Variants in HECW1 observed in about 807,000 individuals in gnomAD.
The protein encoded by HECW1 is E3 ubiquitin-protein ligase HECW1.
Under a neutral mutation model 182.3 loss-of-function variants are expected in HECW1, and 61 were observed. The ratio of observed to expected loss-of-function variants is 0.33; its 90% CI spans 0.27 to 0.41. HECW1 has a LOEUF of 0.41. Ranked by LOEUF, HECW1 falls within the 10% of genes least tolerant of loss-of-function variation. The pLI is 1.00. For synonymous variants in HECW1, 859 were observed against 832.6 expected, an observed-to-expected ratio of 1.03 and a Z score of -0.55; for missense variants, 1,739 against 2,108.9, an observed-to-expected ratio of 0.82 and a Z score of 3.44.
chr7:43,466,409 C>T, intron 14 of HECW1, 38 bp from the exon 15 acceptor site: 1 of 1,605,844 alleles, frequency 6.2e-7, no homozygotes, highest in Non-Finnish European at 8.5e-7. Flanking sequence ...ATGCCTTTTT[C>T]CCAATGCATT....
rs80260826 is a variant in HECW1 at position 43,320,196 on chromosome 7, G to C, written c.353-439G>C. On this transcript the variant is annotated intron_variant, in intron 4 of 29. Transcript: ENST00000395891. ...GCCCAGGTGGGAGGAGAGATGATTC[G>C]AAGTGGAGTCCGTGAGAACTAGACC... is the stretch of plus-strand genomic sequence containing the variant. Among the ~76,000 whole-genome samples, 1,162 of 152,296 alleles carry C rather than the reference G, an allele frequency of 7.6e-3. 11 individuals are homozygous for C. Among genetic ancestry groups the C allele is most frequent in the African/African-American group, 0.027 (1,122 of 41,562 alleles).
intron 2 of HECW1, among the ~76,000 whole-genome samples, chr7:43,145,833 TA>T (rs534176342): frequency 5.9e-5 from 9 of 151,396 alleles, no homozygotes; most frequent in Middle Eastern, 3.2e-3. Context: ...ACCTCCAGGG[TA>T]AAAAAAAATA....
chr7:43,359,731 A>G (rs1815631462), intron 5 of HECW1, among the ~76,000 whole-genome samples: 1 of 152,248 alleles, frequency 6.6e-6, no homozygotes, highest in Non-Finnish European at 1.5e-5. Flanking sequence ...ATAAAATTGT[A>G]GACATTATTT....
chr7:43,280,983 T>A (rs943635637), intron 3 of HECW1, among the ~76,000 whole-genome samples: 1 of 151,064 alleles, frequency 6.6e-6, no homozygotes, highest in Non-Finnish European at 1.5e-5. Context: ...CCCGTTTTGT[T>A]TGGGGCTGTT....
At chr7:43,457,408 A>G (rs2077438020) in intron 13 of HECW1, among the ~76,000 whole-genome samples, 1 of 152,248 alleles carries the variant, frequency 6.6e-6, no homozygotes. Flanking sequence ...ACACCTACTG[A>G]TAGCAAATGC....
At chr7:43,192,993 G>A (rs1794076269) in intron 2 of HECW1, among the ~76,000 whole-genome samples, 1 of 152,182 alleles carries the variant, frequency 6.6e-6, no homozygotes, top group Non-Finnish European at 1.5e-5. Context: ...GCTATTTCTT[G>A]ATTATATGCT....
At chr7:43,259,223 C>T (rs139205834) in intron 3 of HECW1, among the ~76,000 whole-genome samples, 2,851 of 152,160 alleles carry the variant, frequency 0.019, 92 homozygotes, top group African/African-American at 0.065. Context: ...CCTGTCTCTA[C>T]TAAAAATACA....
At chr7:43,229,989 G>A (rs895954771) in intron 2 of HECW1, among the ~76,000 whole-genome samples, 8 of 152,204 alleles carry the variant, frequency 5.3e-5, no homozygotes, top group Non-Finnish European at 1.2e-4. Flanking sequence ...AGGGTTCATC[G>A]TGGCTTCTGT....
chr7:43,409,747 T>C (rs1008134325), intron 8 of HECW1, among the ~76,000 whole-genome samples: 5 of 152,124 alleles, frequency 3.3e-5, no homozygotes. Context: ...AGTTAAACAG[T>C]GTGTAACTGG....
intron 2 of HECW1, among the ~76,000 whole-genome samples, chr7:43,220,605 T>C (rs1389701946): frequency 6.6e-6 from 1 of 152,194 alleles, no homozygotes; most frequent in East Asian, 1.9e-4. Flanking sequence ...GGCACTACTA[T>C]CATCCAAGAA....
At chr7:43,538,605 C>T (rs1044229377) in intron 24 of HECW1, among the ~76,000 whole-genome samples, 2 of 152,156 alleles carry the variant, frequency 1.3e-5, no homozygotes, top group African/African-American at 4.8e-5. Context: ...GAGGAAAAGG[C>T]CTGGTCTGGT....
chr7:43,228,349 A>G (rs1338217733), intron 2 of HECW1, among the ~76,000 whole-genome samples: 1 of 152,068 alleles, frequency 6.6e-6, no homozygotes, highest in Non-Finnish European at 1.5e-5. Flanking sequence ...AAGCAGCTTG[A>G]TATTTTAGAA....
chr7:43,500,617 G>A, intron 19 of HECW1, 82 bp from the exon 20 acceptor site: 1 of 1,108,822 alleles, frequency 9.0e-7, no homozygotes, highest in Non-Finnish European at 1.4e-6. Flanking sequence ...TATTGGAAGA[G>A]GAAATAAGAG....
At chr7:43,549,833 A>T (rs923508205) in intron 26 of HECW1, among the ~76,000 whole-genome samples, 1 of 152,158 alleles carries the variant, frequency 6.6e-6, no homozygotes. Flanking sequence ...GCTGTCATTG[A>T]GATTTGGGGG....
At chr7:43,363,769 C>T (rs1257380612) in intron 6 of HECW1, among the ~76,000 whole-genome samples, 3 of 152,222 alleles carry the variant, frequency 2.0e-5, no homozygotes, top group Non-Finnish European at 2.9e-5. Context: ...CTGTTTATCA[C>T]GCATTATTCT....
chr7:43,274,375 C>A, intron 3 of HECW1: 1 of 653,928 alleles, frequency 1.5e-6, no homozygotes, highest in Non-Finnish European at 2.7e-6. Flanking sequence ...GAAGGTCCCC[C>A]TGCGGGTAAA....
intron 12 of HECW1, among the ~76,000 whole-genome samples, chr7:43,455,486 A>G (rs911656701): frequency 1.3e-5 from 2 of 152,150 alleles, no homozygotes; most frequent in Non-Finnish European, 2.9e-5. Context: ...TCTTCTCTCC[A>G]CTGAACCTAA....
intron 6 of HECW1, 123 bp downstream of exon 6, chr7:43,361,103 CA>C: frequency 3.2e-6 from 2 of 627,898 alleles, no homozygotes; most frequent in South Asian, 4.1e-5. Context: ...TGTACATACA[CA>C]CATATGGAGA....
intron 24 of HECW1, among the ~76,000 whole-genome samples, chr7:43,516,282 A>C (rs1189750484): frequency 2.6e-5 from 4 of 152,190 alleles, no homozygotes; most frequent in African/African-American, 9.6e-5. Flanking sequence ...GGAGGGAAGA[A>C]GACAGGCTGG....
Sources: gnomAD v4.1 joint callset for allele counts (sites outside exome capture counted in the v4.1 genomes callset) on GRCh38, gnomAD v4.1.1 for gene constraint, MANE v1.5 for transcripts, NCBI Gene and HGNC (gene_info 2026-07-23, HGNC 2026-07-21) for gene names.